Variants in EGFR observed in about 807,000 individuals in gnomAD.
EGFR encodes the protein epidermal growth factor receptor, also known as avian erythroblastic leukemia viral (v-erb-b) oncogene homolog.
Under a neutral mutation model 143.0 loss-of-function variants are expected in EGFR, and 58 were observed. The observed-to-expected ratio is 0.41, with a 90% CI of 0.33 to 0.50. EGFR has a LOEUF of 0.50. Among genes scored for constraint, EGFR ranks in the 20% least tolerant of loss-of-function variants. The pLI is 0.39. For synonymous variants in EGFR, 613 were observed against 594.4 expected (o/e 1.03, Z -0.45); for missense variants, 1,307 against 1,579.0 (o/e 0.83, Z 2.92).
chr7:55,061,547 T>C (rs1483168244), intron 1 of EGFR, among the ~76,000 whole-genome samples: 1 of 151,894 alleles, frequency 6.6e-6, no homozygotes, highest in Non-Finnish European at 1.5e-5. Context: ...AAACGAGCAT[T>C]TTATAAGCCA....
At chr7:55,121,113 C>T (rs1316696954) in intron 1 of EGFR, among the ~76,000 whole-genome samples, 1 of 152,144 alleles carries the variant, frequency 6.6e-6, no homozygotes, top group Admixed American at 6.5e-5. Flanking sequence ...TCATACTGTG[C>T]AGGGATGAAG....
At chr7:55,203,020 G>A (rs1002990586) in intron 27 of EGFR, 4 of 402,896 alleles carry the variant, frequency 9.9e-6, no homozygotes, top group African/African-American at 2.1e-5. Context: ...CCTGTGAAAC[G>A]TATATTTAAC....
chr7:55,104,896 C>T (rs56118665), intron 1 of EGFR, among the ~76,000 whole-genome samples: 2,672 of 152,284 alleles, frequency 0.018, 40 homozygotes, highest in Middle Eastern at 0.044. Flanking sequence ...TTCATTTGAT[C>T]CAATGCAGAT....
chr7:55,073,873 G>C (rs1789981044), intron 1 of EGFR, among the ~76,000 whole-genome samples: 1 of 152,200 alleles, frequency 6.6e-6, no homozygotes, highest in South Asian at 2.1e-4. Flanking sequence ...TTTTGCATGT[G>C]CACAGGGATG....
intron 1 of EGFR, among the ~76,000 whole-genome samples, chr7:55,116,173 C>T (rs1418750343): frequency 6.6e-6 from 1 of 152,202 alleles, no homozygotes; most frequent in African/African-American, 2.4e-5. Flanking sequence ...AAAGGGCATG[C>T]ATTTTCCTCA....
intron 1 of EGFR, among the ~76,000 whole-genome samples, chr7:55,080,603 G>A (rs1227746798): frequency 6.6e-6 from 1 of 152,126 alleles, no homozygotes; most frequent in East Asian, 1.9e-4. Flanking sequence ...GGAGGAATAA[G>A]TTAAAGAGAT....
At chr7:55,125,539 T>G (rs1793473543) in intron 1 of EGFR, among the ~76,000 whole-genome samples, 1 of 152,224 alleles carries the variant, frequency 6.6e-6, no homozygotes, top group Non-Finnish European at 1.5e-5. Context: ...AGGGATGATA[T>G]TTCTTTGCAA....
intron 22 of EGFR, among the ~76,000 whole-genome samples, chr7:55,197,400 G>T (rs1366791264): frequency 1.3e-5 from 2 of 152,092 alleles, no homozygotes; most frequent in Non-Finnish European, 2.9e-5. Context: ...TCAGCTTAAG[G>T]GGTTTTGGGT....
chr7:55,026,371 T>TC (rs1786884190), intron 1 of EGFR, among the ~76,000 whole-genome samples: 1 of 152,106 alleles, frequency 6.6e-6, no homozygotes, highest in African/African-American at 2.4e-5. Flanking sequence ...GAAAGAACAC[T>TC]CCACCCCTCC....
intron 1 of EGFR, among the ~76,000 whole-genome samples, chr7:55,053,537 T>C (rs183725919): frequency 1.3e-5 from 2 of 152,378 alleles, no homozygotes; most frequent in African/African-American, 4.8e-5. Flanking sequence ...TTGCCCATGT[T>C]CTACTCCCAG....
chr7:55,152,747 G>C lies in EGFR; in HGVS notation c.747+83G>C, dbSNP rs879289031. On this transcript the variant is annotated intron_variant, in intron 6 of 27. Transcript: ENST00000275493. ...CACACCAGGACAGAAGACTTCCTGT[G>C]GGGGAGCTGTCAATTAGCATTTGTC... The C allele has an allele frequency of 7.0e-6, 8 of 1,151,002 alleles. No homozygotes were observed. In the East Asian group the frequency reaches 9.4e-5, roughly 14 times the overall value. The allele number at this position is 1,151,002 out of a possible 1,614,324, so 71.3% of individuals were successfully genotyped here.
intron 3 of EGFR, 128 bp downstream of exon 3, chr7:55,143,616 G>GGGTAAAA: frequency 9.8e-7 from 1 of 1,021,926 alleles, no homozygotes; most frequent in Non-Finnish European, 1.5e-6. Context: ...CACGTGCACT[G>GGGTAAAA]AGTGCCGGCT....
intron 1 of EGFR, among the ~76,000 whole-genome samples, chr7:55,019,610 G>A (rs1249037870): frequency 6.6e-6 from 1 of 152,100 alleles, no homozygotes; most frequent in East Asian, 1.9e-4. Flanking sequence ...TGCAGGCCAG[G>A]CGGGGAACGG....
At position 55,056,914 on chromosome 7, in the gene EGFR, T is replaced by C. The variant is rs536188079; in HGVS notation, c.88+37549T>C. ...CTCAGACGGTGTGTGCAGTGCAGTA[T>C]GTAACCCAGGGCACATTTCAGGGGC... On this transcript the variant is annotated intron_variant, in intron 1 of 27. Transcript: ENST00000275493. Among the ~76,000 whole-genome samples the C allele has an allele frequency of 1.6e-4, 24 of 152,352 alleles. 1 individual carries two copies. The South Asian group carries it at 5.0e-3, about 32-fold the overall frequency.
At chr7:55,192,974 T>TA in intron 22 of EGFR, 133 bp downstream of exon 22, 2 of 853,824 alleles carry the variant, frequency 2.3e-6, no homozygotes, top group Non-Finnish European at 3.8e-6. Flanking sequence ...ATGTAATCAT[T>TA]GCTGTCTATC....
intron 20 of EGFR, 47 bp downstream of exon 20, chr7:55,181,525 T>A (rs2128958999): frequency 5.6e-6 from 9 of 1,612,700 alleles, no homozygotes; most frequent in Non-Finnish European, 5.9e-6. Flanking sequence ...GGAGCCAGGA[T>A]CCTCACATGC....
Position 55,147,250 on chromosome 7 carries a change from C to T in EGFR, c.559+510C>T, listed in dbSNP as rs546180969. ...TCCTTGAATACTGGTGGCCTGGTCC[C>T]TGTCCCATTCCCCAGTGAGGCAGCC... On this transcript the variant is annotated intron_variant, in intron 4 of 27. Coordinates refer to ENST00000275493, the MANE Select transcript of EGFR (RefSeq NM_005228.5). Among the ~76,000 whole-genome samples the T allele has an allele frequency of 4.6e-5, 7 of 152,360 alleles. No individual in the cohort carries two copies. In the East Asian group the frequency reaches 1.4e-3, roughly 29 times the overall value.
rs372917735 is a variant in EGFR at position 55,201,359 on chromosome 7, T to G, written c.3114+4T>G. 26 of 1,614,028 alleles carry G rather than the reference T, an allele frequency of 1.6e-5. No homozygotes were observed. Among genetic ancestry groups the G allele is most frequent in the Non-Finnish European group, 2.2e-5 (26 of 1,180,028 alleles). On this transcript the variant is annotated splice_donor_region_variant and intron_variant, in intron 25 of 27. Transcript: ENST00000275493. ...GACTCCCCTCCTGAGCTCTCTGGTA[T>G]GAAATCTCTGTCTCTCTCTCTCTCT...
At chr7:55,048,599 G>T (rs1788310803) in intron 1 of EGFR, among the ~76,000 whole-genome samples, 1 of 152,208 alleles carries the variant, frequency 6.6e-6, no homozygotes, top group Admixed American at 6.5e-5. Flanking sequence ...TTCAAACTGA[G>T]GTTGTGTCTC....
Sources: gnomAD v4.1 joint callset for allele counts (sites outside exome capture counted in the v4.1 genomes callset) on GRCh38, gnomAD v4.1.1 for gene constraint, MANE v1.5 for transcripts, NCBI Gene and HGNC (gene_info 2026-07-23, HGNC 2026-07-21) for gene names.